HMCN1: variants seen among roughly 807,000 people sequenced by gnomAD.
The protein encoded by HMCN1 is hemicentin-1.
In HMCN1, 321 loss-of-function variants were observed where a neutral mutation model predicts 625.9. That is an observed-to-expected ratio of 0.51 (90% CI 0.47 to 0.56). The LOEUF (loss-of-function observed/expected upper bound fraction) is 0.56, where lower values mean the gene tolerates loss of function less well. HMCN1 is among the 20% of genes least tolerant of loss of function. HMCN1 has a pLI of 0.00. For synonymous variants in HMCN1, 2,425 were observed against 2,417.6 expected (o/e 1.00, Z -0.09); for missense variants, 6,588 against 6,887.3 (o/e 0.96, Z 1.54).
intron 89 of HMCN1, among the ~76,000 whole-genome samples, chr1:186,141,807 C>T (rs1190134324): frequency 6.6e-6 from 1 of 152,146 alleles, no homozygotes; most frequent in Non-Finnish European, 1.5e-5. Flanking sequence ...ACACAGCAGC[C>T]AAGTGACTTG....
chr1:186,093,110 C>A lies in HMCN1; in HGVS notation c.9888-24C>A. ...AAATAGATTCAATCTCATCTCAGCC[C>A]CTCTGTTATGATCTTTTCCGTAGAG... On this transcript the variant is annotated intron_variant, in intron 64 of 106. Transcript: ENST00000271588. The A allele has an allele frequency of 2.5e-6, 4 of 1,612,818 alleles. No homozygotes were observed. The South Asian group carries it at 3.3e-5, about 13-fold the overall frequency.
intron 87 of HMCN1, 147 bp downstream of exon 87, chr1:186,137,084 G>A: frequency 4.1e-6 from 4 of 986,866 alleles, no homozygotes; most frequent in Non-Finnish European, 6.3e-6. Context: ...AAAATTTACA[G>A]ATTGAAGGGC....
intron 50 of HMCN1, among the ~76,000 whole-genome samples, chr1:186,068,681 C>G (rs904768953): frequency 6.6e-6 from 1 of 151,978 alleles, no homozygotes; most frequent in Non-Finnish European, 1.5e-5. Flanking sequence ...TCCTGGCTAA[C>G]ACAGTGAAAC....
chr1:186,136,960 TC>T, intron 87 of HMCN1, 23 bp downstream of exon 87: 1 of 1,611,102 alleles, frequency 6.2e-7, no homozygotes, highest in Non-Finnish European at 8.5e-7. Flanking sequence ...AGAGGAATAT[TC>T]ATAGTAAACA....
chr1:185,797,790 C>A (rs1341117109), intron 1 of HMCN1, among the ~76,000 whole-genome samples: 1 of 138,908 alleles, frequency 7.2e-6, no homozygotes, highest in African/African-American at 3.4e-5. Context: ...AACGGTGAAA[C>A]CCCGTCTCTA....
chr1:186,088,476 TA>T, intron 62 of HMCN1, 129 bp from the exon 63 acceptor site: 3 of 1,376,878 alleles, frequency 2.2e-6, no homozygotes, highest in South Asian at 1.4e-5. Flanking sequence ...TTTTCTTTTT[TA>T]AAAAAGAAAA....
intron 104 of HMCN1, among the ~76,000 whole-genome samples, chr1:186,179,937 A>AT (rs1269051884): frequency 5.9e-5 from 9 of 151,614 alleles, no homozygotes; most frequent in Non-Finnish European, 1.3e-4. Context: ...TTAGGTTCAT[A>AT]TTTTTTCCAG....
At chr1:185,910,572 CTTTTT>C (rs530690323) in intron 5 of HMCN1, among the ~76,000 whole-genome samples, 2 of 140,298 alleles carry the variant, frequency 1.4e-5, no homozygotes, top group Non-Finnish European at 3.1e-5. Flanking sequence ...TTTCTTCCTT[CTTTTT>C]TTTTTTTTTT....
intron 45 of HMCN1, among the ~76,000 whole-genome samples, chr1:186,056,844 C>T (rs1657360164): frequency 6.6e-6 from 1 of 151,828 alleles, no homozygotes; most frequent in South Asian, 2.1e-4. Context: ...GCCTCAGCAT[C>T]ACAGAATATA....
chr1:185,866,806 A>G (rs1420552543), intron 4 of HMCN1, among the ~76,000 whole-genome samples: 2 of 152,050 alleles, frequency 1.3e-5, no homozygotes, highest in Non-Finnish European at 2.9e-5. Flanking sequence ...TTAAGTTTCT[A>G]GGAACATACC....
Position 185,851,477 on chromosome 1 carries a change from A to C in HMCN1, c.339+5381A>C, listed in dbSNP as rs142913112. On this transcript the variant is annotated intron_variant, in intron 2 of 106. Coordinates refer to ENST00000271588, the MANE Select transcript of HMCN1 (RefSeq NM_031935.3). Reference sequence around the variant, plus strand: ...AAAAATTATTACACTTAATTTATTAAATTTGTACCATTAATTTCACTTTCC... The same window carrying C: ...AAAAATTATTACACTTAATTTATTACATTTGTACCATTAATTTCACTTTCC... Among the ~76,000 whole-genome samples, 28 of 152,256 alleles carry C rather than the reference A, an allele frequency of 1.8e-4. No homozygotes were observed. The East Asian group carries it at 4.8e-3, about 26-fold the overall frequency.
At chr1:186,071,976 G>A (rs902900873) in intron 52 of HMCN1, among the ~76,000 whole-genome samples, 2 of 152,112 alleles carry the variant, frequency 1.3e-5, no homozygotes, top group African/African-American at 4.8e-5. Flanking sequence ...GACTAAAAGT[G>A]CACAGGAAAT....
chr1:185,742,350 C>T (rs1384230370), intron 1 of HMCN1, among the ~76,000 whole-genome samples: 1 of 152,144 alleles, frequency 6.6e-6, no homozygotes, highest in Non-Finnish European at 1.5e-5. Flanking sequence ...CATTTTAATA[C>T]AGTTCATCAG....
rs1018055585 is a variant in HMCN1 at position 186,094,444 on chromosome 1, C to T, written c.10294+71C>T. The T allele has an allele frequency of 1.4e-5, 15 of 1,074,534 alleles. No individual in the cohort carries two copies. The African/African-American group carries it at 2.3e-4, about 17-fold the overall frequency. The allele number at this position is 1,074,534 out of a possible 1,614,324, so 66.6% of individuals were successfully genotyped here. On this transcript the variant is annotated intron_variant, in intron 67 of 106. Coordinates refer to ENST00000271588, the MANE Select transcript of HMCN1 (RefSeq NM_031935.3). The stretch of plus-strand genomic sequence containing the variant: ...TAAGCAACAGACTTATCTTTAGAAA[C>T]CGACTTCCTCAGAGATTTAGAAATC...
intron 1 of HMCN1, among the ~76,000 whole-genome samples, chr1:185,747,511 G>C (rs1272857536): frequency 6.6e-6 from 1 of 151,912 alleles, no homozygotes. Flanking sequence ...GTACAGACAG[G>C]GTTTCACCAT....
intron 80 of HMCN1, among the ~76,000 whole-genome samples, chr1:186,121,119 A>T (rs575518003): frequency 1.3e-5 from 2 of 152,306 alleles, no homozygotes; most frequent in East Asian, 3.9e-4. Context: ...AGTGACCCCA[A>T]GTCAAGAAAG....
At chr1:185,747,401 C>T (rs1008798124) in intron 1 of HMCN1, among the ~76,000 whole-genome samples, 14 of 151,992 alleles carry the variant, frequency 9.2e-5, no homozygotes, top group African/African-American at 3.4e-4. Context: ...TCACTGCAAC[C>T]TCCACCTCCT....
chr1:185,844,407 A>G (rs1211050656), intron 1 of HMCN1, among the ~76,000 whole-genome samples: 1 of 152,214 alleles, frequency 6.6e-6, no homozygotes, highest in African/African-American at 2.4e-5. Flanking sequence ...TACATGGGTT[A>G]TGGCAGACAA....
chr1:185,805,398 C>T (rs967824968), intron 1 of HMCN1, among the ~76,000 whole-genome samples: 2 of 152,044 alleles, frequency 1.3e-5, no homozygotes, highest in Admixed American at 6.6e-5. Context: ...TATCTTCCCT[C>T]TGAAAATAGT....
Sources: allele counts gnomAD v4.1 joint callset (sites outside exome capture counted in the v4.1 genomes callset), GRCh38; gene constraint gnomAD v4.1.1; transcripts MANE v1.5; gene names NCBI Gene and HGNC (gene_info 2026-07-23, HGNC 2026-07-21).